The following SLC38A6 variants were observed in gnomAD, a reference collection of about 807,000 sequenced individuals.
SLC38A6 encodes solute carrier family 38 member 6.
In SLC38A6, 73 loss-of-function variants were observed where a neutral mutation model predicts 65.0. The observed-to-expected ratio is 1.12, with a 90% CI of 0.93 to 1.37. The LOEUF (loss-of-function observed/expected upper bound fraction) is 1.37. Ranked by LOEUF, SLC38A6 falls within the 40% of genes most tolerant of loss-of-function variation. The pLI is 0.00. For synonymous variants in SLC38A6, 183 were observed against 178.8 expected (o/e 1.02, Z -0.19); for missense variants, 561 against 531.1 (o/e 1.06, Z -0.55).
chr14:61,007,698 C>T (rs1045420270), intron 3 of SLC38A6, among the ~76,000 whole-genome samples: 1 of 144,428 alleles, frequency 6.9e-6, no homozygotes, highest in African/African-American at 2.6e-5. Flanking sequence ...TGAAAATGAA[C>T]ACCGATATAA....
downstream of SLC38A6, among the ~76,000 whole-genome samples, chr14:61,053,843 T>G (rs145878928): frequency 0.014 from 2,107 of 151,918 alleles, 168 homozygotes; most frequent in Admixed American, 0.13. Context: ...GGCTGTTTGG[T>G]TTTTTTTGCT....
chr14:61,066,037 G>C (rs1237271691), intron 15 of SLC38A6, among the ~76,000 whole-genome samples: 1 of 152,164 alleles, frequency 6.6e-6, no homozygotes, highest in Non-Finnish European at 1.5e-5. Flanking sequence ...GTTAGAATTA[G>C]CCCTATGTTA....
chr14:61,004,889 G>A (rs1566633669), intron 3 of SLC38A6, among the ~76,000 whole-genome samples: 1 of 152,080 alleles, frequency 6.6e-6, no homozygotes, highest in Non-Finnish European at 1.5e-5. Context: ...AACCAAAAAA[G>A]AGAATTTTAG....
At chr14:61,074,608 C>A (rs1165970545) in intron 15 of SLC38A6, among the ~76,000 whole-genome samples, 1 of 152,094 alleles carries the variant, frequency 6.6e-6, no homozygotes, top group Non-Finnish European at 1.5e-5. Flanking sequence ...TGGGTTAGGG[C>A]CTCAATATGA....
chr14:61,071,669 T>G (rs1477914096), intron 15 of SLC38A6, among the ~76,000 whole-genome samples: 1 of 148,284 alleles, frequency 6.7e-6, no homozygotes, highest in Non-Finnish European at 1.5e-5. Flanking sequence ...GGTGACAGAG[T>G]AAAATCCTGT....
chr14:61,055,113 T>C (rs1288443709), downstream of SLC38A6, among the ~76,000 whole-genome samples: 906 of 133,144 alleles, frequency 6.8e-3, 28 homozygotes, highest in Non-Finnish European at 0.011. Flanking sequence ...TTTCTTTTTT[T>C]TTTTCTTTTT....
chr14:61,030,551 C>A, intron 6 of SLC38A6, 28 bp downstream of exon 6: 1 of 1,459,574 alleles, frequency 6.9e-7, no homozygotes, highest in Non-Finnish European at 9.5e-7. Context: ...ACATTGTGTC[C>A]GTTCATGTAT....
At chr14:61,037,711 A>G (rs762779541) in intron 8 of SLC38A6, 28 bp downstream of exon 8, 92 of 1,422,910 alleles carry the variant, frequency 6.5e-5, no homozygotes, top group Non-Finnish European at 8.7e-5. Flanking sequence ...TACATTGCTT[A>G]TCTCCTCACT....
chr14:61,083,310 G>C (rs747365264), intron 16 of SLC38A6, among the ~76,000 whole-genome samples: 4 of 152,194 alleles, frequency 2.6e-5, no homozygotes, highest in African/African-American at 9.7e-5. Flanking sequence ...ATGCTTGCCA[G>C]GTTCTGGGTT....
Position 61,009,978 on chromosome 14 carries a change from A to T in SLC38A6, c.311-5926A>T, listed in dbSNP as rs535526878. Among the ~76,000 whole-genome samples, 166 of 152,318 alleles carry T rather than the reference A, an allele frequency of 1.1e-3. No individual in the cohort carries two copies. In the East Asian group the frequency reaches 0.023, roughly 21 times the overall value. ...CCACACTGACTTCCACAATGGTTGA[A>T]CTAGTTTACAGTCCCACCAACAGTG... On this transcript the variant is annotated intron_variant, in intron 3 of 15. Transcript: ENST00000267488.
intron 6 of SLC38A6, among the ~76,000 whole-genome samples, chr14:61,032,730 ATAAG>A (rs1042836281): frequency 2.8e-4 from 43 of 151,864 alleles, no homozygotes; most frequent in Admixed American, 1.7e-3. Flanking sequence ...ATGCTAGAAA[ATAAG>A]TAAGAAACAA....
chr14:61,071,121 A>G (rs987960863), intron 15 of SLC38A6, among the ~76,000 whole-genome samples: 8 of 152,192 alleles, frequency 5.3e-5, no homozygotes, highest in African/African-American at 1.9e-4. Context: ...AAACTCCCTA[A>G]ATATTTTAAC....
intron 3 of SLC38A6, among the ~76,000 whole-genome samples, chr14:60,985,592 G>A (rs1470192524): frequency 5.3e-5 from 8 of 152,096 alleles, no homozygotes; most frequent in Non-Finnish European, 1.0e-4. Context: ...GGATGAGTTC[G>A]TTTTGCTTTA....
chr14:61,078,034 A>C, intron 15 of SLC38A6, among the ~76,000 whole-genome samples: 1 of 152,178 alleles, frequency 6.6e-6, no homozygotes. Context: ...TAGTTGGTAA[A>C]CTACTGGAAC....
At chr14:61,054,425 T>A (rs1043848984), downstream of SLC38A6, among the ~76,000 whole-genome samples, 3 of 152,148 alleles carry the variant, frequency 2.0e-5, no homozygotes, top group African/African-American at 7.2e-5. Context: ...TCATTGGTAG[T>A]TTTATAGGAA....
At chr14:61,061,956 G>A (rs1444885443) in intron 15 of SLC38A6, among the ~76,000 whole-genome samples, 1 of 152,038 alleles carries the variant, frequency 6.6e-6, no homozygotes, top group East Asian at 1.9e-4. Flanking sequence ...TCATGCCTCA[G>A]CCTCCCCAGT....
intron 4 of SLC38A6, 50 bp downstream of exon 4, chr14:61,016,006 C>T: frequency 6.9e-7 from 1 of 1,449,302 alleles, no homozygotes; most frequent in East Asian, 2.3e-5. Flanking sequence ...TGGCATTTTT[C>T]CTTTTGTTTC....
chr14:60,993,389 C>T (rs1368769425), intron 3 of SLC38A6, among the ~76,000 whole-genome samples: 2 of 152,126 alleles, frequency 1.3e-5, no homozygotes, highest in Non-Finnish European at 2.9e-5. Context: ...GCCATTTCCC[C>T]ACTATTATAG....
chr14:61,025,554 A>G (rs2040563301), intron 5 of SLC38A6, among the ~76,000 whole-genome samples: 1 of 152,160 alleles, frequency 6.6e-6, no homozygotes, highest in Non-Finnish European at 1.5e-5. Flanking sequence ...ACTTCATTTG[A>G]CAACATTTAC....
Sources: gnomAD v4.1 joint callset for allele counts (sites outside exome capture counted in the v4.1 genomes callset) on GRCh38, gnomAD v4.1.1 for gene constraint, MANE v1.5 for transcripts, NCBI Gene and HGNC (gene_info 2026-07-23, HGNC 2026-07-21) for gene names.